Variants in PTPRG observed in about 807,000 individuals in gnomAD.
PTPRG encodes protein tyrosine phosphatase receptor type G, also known as receptor-type tyrosine-protein phosphatase gamma.
A neutral mutation model predicts 165.3 loss-of-function variants in PTPRG; 102 were observed. The observed-to-expected ratio is 0.62, with a 90% CI of 0.53 to 0.73. The LOEUF (loss-of-function observed/expected upper bound fraction) is 0.73. Among genes scored for constraint, PTPRG ranks in the 30% least tolerant of loss-of-function variants. PTPRG has a pLI of 0.00. For synonymous variants in PTPRG, 675 were observed against 669.5 expected, an observed-to-expected ratio of 1.01 and a Z score of -0.13; for missense variants, 1,866 against 1,861.4, an observed-to-expected ratio of 1.00 and a Z score of -0.05.
intron 8 of PTPRG, among the ~76,000 whole-genome samples, chr3:62,176,784 C>A (rs1044849729): frequency 2.0e-5 from 3 of 151,662 alleles, no homozygotes; most frequent in African/African-American, 7.3e-5. Flanking sequence ...AACACAGTAC[C>A]TGGTACATAG....
At chr3:61,830,018 C>T (rs1422652774) in intron 2 of PTPRG, among the ~76,000 whole-genome samples, 3 of 152,172 alleles carry the variant, frequency 2.0e-5, no homozygotes, top group Non-Finnish European at 4.4e-5. Flanking sequence ...GAGGAGAAAC[C>T]TTTGCATGTG....
chr3:61,961,048 G>A (rs900530843), intron 2 of PTPRG, among the ~76,000 whole-genome samples: 1 of 152,086 alleles, frequency 6.6e-6, no homozygotes, highest in Admixed American at 6.5e-5. Flanking sequence ...GATGATATGT[G>A]TTCTTTGCAC....
At chr3:61,856,557 A>G (rs182433442) in intron 2 of PTPRG, among the ~76,000 whole-genome samples, 1 of 151,950 alleles carries the variant, frequency 6.6e-6, no homozygotes, top group East Asian at 1.9e-4. Flanking sequence ...TTTTTTTCTC[A>G]TTGCATGCAT....
At chr3:62,244,751 C>T (rs1701252737) in intron 15 of PTPRG, among the ~76,000 whole-genome samples, 1 of 152,118 alleles carries the variant, frequency 6.6e-6, no homozygotes, top group Non-Finnish European at 1.5e-5. Context: ...GCTCTCTTCC[C>T]ACTACAATGA....
At chr3:61,699,727 A>G (rs1250120562) in intron 1 of PTPRG, among the ~76,000 whole-genome samples, 1 of 152,164 alleles carries the variant, frequency 6.6e-6, no homozygotes, top group African/African-American at 2.4e-5. Flanking sequence ...ATAGAGTTTT[A>G]CTACTGTGGA....
intron 10 of PTPRG, among the ~76,000 whole-genome samples, chr3:62,198,133 GT>G (rs1700013860): frequency 6.6e-6 from 1 of 152,148 alleles, no homozygotes; most frequent in Non-Finnish European, 1.5e-5. Context: ...CAATAAATAT[GT>G]TTACCTTACT....
intron 2 of PTPRG, among the ~76,000 whole-genome samples, chr3:61,917,431 G>A (rs1044605211): frequency 5.3e-5 from 8 of 152,090 alleles, no homozygotes; most frequent in Admixed American, 1.3e-4. Flanking sequence ...ACTCATATTC[G>A]TCTTGCAGGT....
intron 4 of PTPRG, among the ~76,000 whole-genome samples, chr3:62,033,643 G>T (rs1353094365): frequency 1.3e-5 from 2 of 151,404 alleles, no homozygotes; most frequent in Non-Finnish European, 2.9e-5. Flanking sequence ...GTGATGACAG[G>T]CATGAGCCAC....
At chr3:62,223,004 C>G (rs1391288607) in intron 13 of PTPRG, among the ~76,000 whole-genome samples, 1 of 152,114 alleles carries the variant, frequency 6.6e-6, no homozygotes, top group Non-Finnish European at 1.5e-5. Flanking sequence ...CCTGGAGGAC[C>G]TGGGCCTTGA....
intron 3 of PTPRG, among the ~76,000 whole-genome samples, chr3:61,991,559 T>G (rs1323362253): frequency 6.6e-6 from 1 of 152,248 alleles, no homozygotes. Context: ...GATTGTGTGC[T>G]TATTGTTACA....
intron 2 of PTPRG, among the ~76,000 whole-genome samples, chr3:61,950,367 C>G (rs567496758): frequency 3.0e-4 from 46 of 152,172 alleles, no homozygotes; most frequent in Non-Finnish European, 7.3e-5. Flanking sequence ...GTGAGAACTT[C>G]TGGGAGTTCC....
rs1576032543 is a variant in PTPRG at position 62,124,515 on chromosome 3, G to A, written c.616-8087G>A. ...TTCATGTTTTACAGCAGGCTCATCA[G>A]GTCATCCACCGGGGTTTTGCTCTGG... On this transcript the variant is annotated intron_variant, in intron 5 of 29. Transcript: ENST00000474889. The A allele has an allele frequency of 2.5e-6, 4 of 1,570,306 alleles. No individual in the cohort carries two copies. In the East Asian group the frequency reaches 6.7e-5, roughly 26 times the overall value.
intron 8 of PTPRG, among the ~76,000 whole-genome samples, chr3:62,191,053 C>G (rs1050913069): frequency 4.6e-5 from 7 of 152,122 alleles, no homozygotes; most frequent in Admixed American, 1.3e-4. Flanking sequence ...AAAAACAGTT[C>G]TGTGTGTGTG....
At chr3:61,841,333 C>T (rs956467424) in intron 2 of PTPRG, among the ~76,000 whole-genome samples, 1 of 152,166 alleles carries the variant, frequency 6.6e-6, no homozygotes, top group African/African-American at 2.4e-5. Context: ...CGGCCAGGTG[C>T]ACTCTCTAGG....
chr3:62,163,944 G>A (rs1576082371), intron 7 of PTPRG, among the ~76,000 whole-genome samples: 2 of 152,188 alleles, frequency 1.3e-5, no homozygotes, highest in Non-Finnish European at 2.9e-5. Context: ...GGAGAATTAG[G>A]CATAGGCCAG....
At chr3:62,196,403 C>T (rs1173332145) in intron 10 of PTPRG, among the ~76,000 whole-genome samples, 3 of 151,036 alleles carry the variant, frequency 2.0e-5, no homozygotes, top group South Asian at 2.1e-4. Flanking sequence ...AACTCCGTCT[C>T]GAAAAATGAA....
chr3:61,605,925 C>T (rs1700993695), intron 1 of PTPRG, among the ~76,000 whole-genome samples: 1 of 152,232 alleles, frequency 6.6e-6, no homozygotes, highest in Admixed American at 6.5e-5. Flanking sequence ...AAGGCTTTGG[C>T]ATCTCCCACT....
At chr3:61,871,544 G>C (rs1415501315) in intron 2 of PTPRG, among the ~76,000 whole-genome samples, 1 of 152,128 alleles carries the variant, frequency 6.6e-6, no homozygotes, top group Admixed American at 6.5e-5. Context: ...GACTCTCCCT[G>C]AGTGTTTGAT....
At chr3:62,202,130 C>T (rs1418361955) in intron 11 of PTPRG, among the ~76,000 whole-genome samples, 8 of 152,118 alleles carry the variant, frequency 5.3e-5, no homozygotes, top group Non-Finnish European at 7.4e-5. Flanking sequence ...ATGAGGAAAC[C>T]GAGGCTCAGT....
Sources: gnomAD v4.1 joint callset for allele counts (sites outside exome capture counted in the v4.1 genomes callset) on GRCh38, gnomAD v4.1.1 for gene constraint, MANE v1.5 for transcripts, NCBI Gene and HGNC (gene_info 2026-07-23, HGNC 2026-07-21) for gene names.